Variants in ANKRD12 observed in about 807,000 individuals in gnomAD.
The protein encoded by ANKRD12 is ankyrin repeat domain 12.
Under a neutral mutation model 183.4 loss-of-function variants are expected in ANKRD12, and 85 were observed. That is an observed-to-expected ratio of 0.46 (90% CI 0.39 to 0.56). The LOEUF is 0.56. Among genes scored for constraint, ANKRD12 ranks in the 20% least tolerant of loss-of-function variants. The probability of loss-of-function intolerance (pLI) is 0.00; values close to 1 mark genes in which losing one functional copy is unlikely to be tolerated. For synonymous variants in ANKRD12, 914 were observed against 800.2 expected (o/e 1.14, Z -2.40); for missense variants, 2,405 against 2,357.1 (o/e 1.02, Z -0.42).
chr18:9,245,667 T>C (rs1454400756), intron 8 of ANKRD12, among the ~76,000 whole-genome samples: 3 of 152,330 alleles, frequency 2.0e-5, no homozygotes, highest in South Asian at 2.1e-4. Flanking sequence ...GTATGTTTCA[T>C]AGCATTTTGT....
chr18:9,262,787 CTTTTTTTTTTTTTTT>C (rs71168048), intron 9 of ANKRD12, among the ~76,000 whole-genome samples: 1 of 83,758 alleles, frequency 1.2e-5, no homozygotes, highest in Non-Finnish European at 2.2e-5. Flanking sequence ...CAAGATGTCC[CTTTTTTTTTTTTTTT>C]TTTTTTTTTT....
At chr18:9,194,106 C>A (rs1420988840) in intron 2 of ANKRD12, among the ~76,000 whole-genome samples, 3 of 152,076 alleles carry the variant, frequency 2.0e-5, no homozygotes. Flanking sequence ...GTGATCCTTA[C>A]ATATTTTCTT....
intron 6 of ANKRD12, among the ~76,000 whole-genome samples, chr18:9,215,325 A>G (rs1303774772): frequency 2.6e-5 from 4 of 152,108 alleles, no homozygotes; most frequent in African/African-American, 9.7e-5. Context: ...CCCTGAAGGG[A>G]AAAGGTAAAC....
intron 8 of ANKRD12, among the ~76,000 whole-genome samples, chr18:9,226,697 T>TC (rs35817025): frequency 0.17 from 26,570 of 151,982 alleles, 2,491 homozygotes; most frequent in African/African-American, 0.21. Flanking sequence ...CTGTGTGAAC[T>TC]CCATTTACAT....
rs186924431 is a variant in ANKRD12 at position 9,213,294 on chromosome 18, A to G, written c.652+1510A>G. Reference sequence around the variant, plus strand: ...TACAGTATCTACCTTAAAGAGTGAGACTTAAAATGCATGGCATTTATTCTA... The same window carrying G: ...TACAGTATCTACCTTAAAGAGTGAGGCTTAAAATGCATGGCATTTATTCTA... On this transcript the variant is annotated intron_variant, in intron 6 of 12. Transcript: ENST00000262126. Among the ~76,000 whole-genome samples the G allele has an allele frequency of 5.9e-5, 9 of 152,090 alleles. No homozygotes were observed. In the East Asian group the frequency reaches 1.5e-3, roughly 26 times the overall value.
At chr18:9,178,341 C>CTT (rs386387023) in intron 1 of ANKRD12, among the ~76,000 whole-genome samples, 1 of 110,086 alleles carries the variant, frequency 9.1e-6, no homozygotes, top group South Asian at 3.8e-4. Flanking sequence ...CTCTCTCTCT[C>CTT]TCGTTTTTTG....
At chr18:9,162,497 G>A (rs532631208) in intron 1 of ANKRD12, among the ~76,000 whole-genome samples, 5 of 152,212 alleles carry the variant, frequency 3.3e-5, no homozygotes, top group African/African-American at 9.6e-5. Flanking sequence ...TGTGAAGAGT[G>A]GTGCAGTGAA....
chr18:9,228,186 T>C (rs976750789), intron 8 of ANKRD12, among the ~76,000 whole-genome samples: 1 of 152,180 alleles, frequency 6.6e-6, no homozygotes, highest in Non-Finnish European at 1.5e-5. Context: ...AATAGTACTC[T>C]AGTGTATATA....
intron 1 of ANKRD12, among the ~76,000 whole-genome samples, chr18:9,139,889 T>A (rs997290681): frequency 6.6e-6 from 1 of 151,896 alleles, no homozygotes; most frequent in Non-Finnish European, 1.5e-5. Context: ...TGCAGCTAGT[T>A]AAAAACTAGT....
intron 4 of ANKRD12, among the ~76,000 whole-genome samples, chr18:9,207,226 G>A (rs2035538439): frequency 6.6e-6 from 1 of 152,054 alleles, no homozygotes. Flanking sequence ...ATAATGCAGC[G>A]TAAGTTAGGA....
At chr18:9,228,204 C>T (rs552890324) in intron 8 of ANKRD12, among the ~76,000 whole-genome samples, 1 of 152,322 alleles carries the variant, frequency 6.6e-6, no homozygotes, top group African/African-American at 2.4e-5. Flanking sequence ...ATATGCACCA[C>T]ATTTTCTTTA....
chr18:9,197,622 GTTATA>G (rs1032747958), intron 3 of ANKRD12, among the ~76,000 whole-genome samples: 34 of 152,032 alleles, frequency 2.2e-4, no homozygotes, highest in Middle Eastern at 3.4e-3. Flanking sequence ...GAGATGACGT[GTTATA>G]TTATTATATA....
rs1368270011 is a variant in ANKRD12 at position 9,166,666 on chromosome 18, T to C, written c.-51-15716T>C. ...CAAAAATTTTCTCCCATTCTGTAGG[T>C]TGCCTGTTCACTCTGATGGTAGTTT... is the stretch of plus-strand genomic sequence containing the variant. On this transcript the variant is annotated intron_variant, in intron 1 of 12. Transcript: ENST00000262126. 4.6e-5 allele frequency among the ~76,000 whole-genome samples: 7 copies of C among 152,100 alleles called. No homozygotes were observed. In the East Asian group the frequency reaches 7.7e-4, roughly 17 times the overall value.
intron 1 of ANKRD12, among the ~76,000 whole-genome samples, chr18:9,182,070 G>A (rs1448633509): frequency 6.6e-6 from 1 of 152,178 alleles, no homozygotes; most frequent in Non-Finnish European, 1.5e-5. Context: ...GCATCGATTA[G>A]GAGCTCCCAT....
chr18:9,149,792 A>T lies in ANKRD12; in HGVS notation c.-52+12827A>T, dbSNP rs1399396481. 3.9e-4 allele frequency among the ~76,000 whole-genome samples: 11 copies of T among 28,216 alleles called. 1 individual carries two copies. The highest frequency in any genetic ancestry group is 3.1e-3 in the Admixed American group (9 of 2,926). The allele number at this position is 28,216 out of a possible 152,430, so 18.5% of individuals were successfully genotyped here. A position where few individuals can be genotyped will look rare whatever the true frequency, so the allele number is the denominator to read the frequency against. ...TAATGATTTATTTATTTATTTATTA[A>T]ATTTTATTTTTTTTTTTTTTTGAGA... On this transcript the variant is annotated intron_variant, in intron 1 of 12. Transcript: ENST00000262126.
Position 9,150,690 on chromosome 18 carries a change from G to A in ANKRD12, c.-52+13725G>A, listed in dbSNP as rs943513791. Among the ~76,000 whole-genome samples the A allele has an allele frequency of 3.2e-4, 49 of 151,952 alleles. 1 individual carries two copies. On this transcript the variant is annotated intron_variant, in intron 1 of 12. Transcript: ENST00000262126. ...ATTTTTTGAGACGGAGTCTCGCCCT[G>A]TTGCCCAGGCTAGAGTGCAGTGGTG... is the stretch of plus-strand genomic sequence containing the variant.
rs1297855643 is a variant in ANKRD12 at position 9,156,331 on chromosome 18, AAAAG to A, written c.-52+19370_-52+19373del. Among the ~76,000 whole-genome samples the A allele has an allele frequency of 3.3e-5, 5 of 152,200 alleles. No individual in the cohort carries two copies. The East Asian group carries it at 9.6e-4, about 29-fold the overall frequency. On this transcript the variant is annotated intron_variant, in intron 1 of 12. Coordinates refer to ENST00000262126, the MANE Select transcript of ANKRD12 (RefSeq NM_015208.5). Reference sequence around the variant, plus strand: ...TTGGTGAGAATTAAGATAATTTTGAAAAAGAAAAACGGTGAGGAGGGAGTAAAAT... The same window carrying A: ...TTGGTGAGAATTAAGATAATTTTGAAAAAAACGGTGAGGAGGGAGTAAAAT...
chr18:9,195,722 GT>G, intron 3 of ANKRD12, 24 bp downstream of exon 3: 14 of 1,597,908 alleles, frequency 8.8e-6, no homozygotes, highest in Non-Finnish European at 1.2e-5. Flanking sequence ...CTGTTCTCTG[GT>G]AAAATCTTGC....
chr18:9,256,196 C>T lies in ANKRD12; in HGVS notation c.2929C>T (p.His977Tyr). 5 of 1,570,702 alleles carry T rather than the reference C, an allele frequency of 3.2e-6. No homozygotes were observed. Among genetic ancestry groups the T allele is most frequent in the Non-Finnish European group, 2.6e-6 (3 of 1,166,142 alleles). ...AAGTATAAATATAACTAACTCCAAA[C>T]ACATACAGGAAGAAAAAAAATCAAG... is the stretch of plus-strand genomic sequence containing the variant. ...KESINITNSK[H>Y]IQEEKKSSIV... The change falls in exon 9 of 13, where the codon CAC (histidine) becomes TAC (tyrosine). Residue 977 changes from histidine (H) to tyrosine (Y), a missense_variant. This residue lies in a region of ANKRD12 where 1,983 missense variants were observed against 1,725.9 expected (regional missense o/e 1.15). Coordinates refer to ENST00000262126, the MANE Select transcript of ANKRD12 (RefSeq NM_015208.5).
Sources: allele counts gnomAD v4.1 joint callset (sites outside exome capture counted in the v4.1 genomes callset), GRCh38; gene constraint gnomAD v4.1.1; regional missense constraint gnomAD v4.1.1; transcripts MANE v1.5; gene names NCBI Gene and HGNC (gene_info 2026-07-23, HGNC 2026-07-21).